ITGAV: variants seen among roughly 807,000 people sequenced by gnomAD.
ITGAV encodes the protein integrin alpha-V.
Under a neutral mutation model 143.8 loss-of-function variants are expected in ITGAV, and 76 were observed. The ratio of observed to expected loss-of-function variants is 0.53; its 90% CI spans 0.44 to 0.64. The LOEUF (loss-of-function observed/expected upper bound fraction) is 0.64, where lower values mean the gene tolerates loss of function less well. Ranked by LOEUF, ITGAV falls within the 30% of genes least tolerant of loss-of-function variation. The pLI is 0.00. For synonymous variants in ITGAV, 453 were observed against 446.7 expected, an observed-to-expected ratio of 1.01 and a Z score of -0.18; for missense variants, 1,193 against 1,274.7, an observed-to-expected ratio of 0.94 and a Z score of 0.98.
chr2:186,663,530 T>C (rs1391395761), intron 18 of ITGAV, among the ~76,000 whole-genome samples: 1 of 152,218 alleles, frequency 6.6e-6, no homozygotes. Context: ...TCCAAGGAAC[T>C]GTATCATATC....
At chr2:186,647,025 C>A in intron 13 of ITGAV, 148 bp downstream of exon 13, 1 of 590,340 alleles carries the variant, frequency 1.7e-6, no homozygotes. Flanking sequence ...AGGCATCATT[C>A]CCGTCACCTA....
intron 2 of ITGAV, among the ~76,000 whole-genome samples, chr2:186,619,111 TTA>T (rs35908821): frequency 0.28 from 41,078 of 147,112 alleles, 6,330 homozygotes; most frequent in East Asian, 0.72. Context: ...ATAGTATATT[TTA>T]TATATATATA....
chr2:186,596,805 C>CT (rs1365889870), intron 1 of ITGAV, among the ~76,000 whole-genome samples: 1 of 152,136 alleles, frequency 6.6e-6, no homozygotes, highest in Non-Finnish European at 1.5e-5. Flanking sequence ...CCTCGTAAGA[C>CT]TTTAACATAT....
intron 1 of ITGAV, among the ~76,000 whole-genome samples, chr2:186,594,828 T>A (rs1686702838): frequency 6.6e-6 from 1 of 152,206 alleles, no homozygotes; most frequent in Admixed American, 6.5e-5. Context: ...TCAGAGTAGC[T>A]CTGATTATAT....
chr2:186,600,099 A>C (rs1686857129), intron 1 of ITGAV: 1 of 464,172 alleles, frequency 2.2e-6, no homozygotes, highest in South Asian at 5.3e-5. Flanking sequence ...GATAAAATAC[A>C]AAGTTTAACC....
intron 4 of ITGAV, among the ~76,000 whole-genome samples, chr2:186,629,069 G>T (rs1687751188): frequency 6.6e-6 from 1 of 152,038 alleles, no homozygotes; most frequent in Admixed American, 6.6e-5. Flanking sequence ...ACCTGACTCA[G>T]AGTAAAGGCT....
At position 186,653,856 on chromosome 2, in the gene ITGAV, G is replaced by A. The variant is rs537381307; in HGVS notation, c.1506-794G>A. ...ATTAAATCAAGCATTTCAGAAAATC[G>A]TACTTACCTTTGATACCTAAATCAG... is the stretch of plus-strand genomic sequence containing the variant. On this transcript the variant is annotated intron_variant, in intron 15 of 29. Coordinates refer to ENST00000261023, the MANE Select transcript of ITGAV (RefSeq NM_002210.5). 1.2e-4 allele frequency among the ~76,000 whole-genome samples: 18 copies of A among 152,206 alleles called. No homozygotes were observed. The South Asian group carries it at 3.1e-3, about 26-fold the overall frequency.
At chr2:186,659,409 A>G (rs1688680556) in intron 18 of ITGAV, among the ~76,000 whole-genome samples, 1 of 152,100 alleles carries the variant, frequency 6.6e-6, no homozygotes, top group Non-Finnish European at 1.5e-5. Context: ...ATACAGAGAA[A>G]GACATTTCAT....
chr2:186,617,915 G>GT (rs1687412348), intron 2 of ITGAV, among the ~76,000 whole-genome samples: 1 of 152,138 alleles, frequency 6.6e-6, no homozygotes, highest in Non-Finnish European at 1.5e-5. Context: ...TCTGTGTCCT[G>GT]TTTCCTTTTC....
At chr2:186,601,625 TCTCACACACGCACATGCA>T (rs1686908756) in intron 1 of ITGAV, among the ~76,000 whole-genome samples, 1 of 151,952 alleles carries the variant, frequency 6.6e-6, no homozygotes, top group African/African-American at 2.4e-5. Context: ...ATAGTAATTC[TCTCACACACGCACATGCA>T]CACACACACA....
chr2:186,592,137 T>C lies in ITGAV; in HGVS notation c.185+1614T>C, dbSNP rs536200317. 1.3e-5 allele frequency among the ~76,000 whole-genome samples: 2 copies of C among 152,276 alleles called. 1 individual carries two copies. The highest frequency in any genetic ancestry group is 4.2e-4 in the South Asian group (2 of 4,808). On this transcript the variant is annotated intron_variant, in intron 1 of 29. Transcript: ENST00000261023. ...GAAAATATATGTCTTCAGTCAAAAA[T>C]TAGCATTTAAATACTTCAGGCCAGG...
intron 26 of ITGAV, among the ~76,000 whole-genome samples, chr2:186,670,923 T>C (rs1157929695): frequency 6.6e-6 from 1 of 152,350 alleles, no homozygotes; most frequent in East Asian, 1.9e-4. Context: ...TCTTAGTTGA[T>C]TTTAGTAAAT....
intron 15 of ITGAV, among the ~76,000 whole-genome samples, chr2:186,653,989 G>A (rs1237357511): frequency 6.6e-6 from 1 of 152,126 alleles, no homozygotes; most frequent in Non-Finnish European, 1.5e-5. Flanking sequence ...AAAGGAGGTT[G>A]CTAATTAAAG....
At chr2:186,604,539 A>G (rs1687003509) in intron 2 of ITGAV, among the ~76,000 whole-genome samples, 1 of 152,214 alleles carries the variant, frequency 6.6e-6, no homozygotes, top group Non-Finnish European at 1.5e-5. Flanking sequence ...ATCAAAATGT[A>G]TGTATATTTA....
Position 186,665,116 on chromosome 2 carries a change from T to G in ITGAV, c.2074-10T>G. On this transcript the variant is annotated splice_polypyrimidine_tract_variant and intron_variant, in intron 20 of 29. Coordinates refer to ENST00000261023, the MANE Select transcript of ITGAV (RefSeq NM_002210.5). ...TATCCATTTTTTTTTTTTTTTTTGG[T>G]CTATCAAAGGCCTTAGCAAGACTTT... 6.9e-7 allele frequency: 1 copy of G among 1,451,078 alleles called. No individual in the cohort carries two copies. The highest frequency in any genetic ancestry group is 9.4e-7 in the Non-Finnish European group (1 of 1,061,520). 89.9% of individuals were successfully genotyped at this position (1,451,078 alleles called of 1,614,324 possible). A position where few individuals can be genotyped will look rare whatever the true frequency, so the allele number is the denominator to read the frequency against.
At chr2:186,654,901 A>G (rs1019705575) in intron 16 of ITGAV, among the ~76,000 whole-genome samples, 193 bp downstream of exon 16, 3 of 152,240 alleles carry the variant, frequency 2.0e-5, no homozygotes, top group Non-Finnish European at 4.4e-5. Flanking sequence ...CAAAAATAAT[A>G]CACTTATTTA....
chr2:186,627,986 A>G (rs1379431489), intron 4 of ITGAV, among the ~76,000 whole-genome samples: 1 of 152,166 alleles, frequency 6.6e-6, no homozygotes, highest in Non-Finnish European at 1.5e-5. Flanking sequence ...TGTGAGGGGC[A>G]TCTTGTTCAG....
At chr2:186,659,801 T>G (rs2105736367) in intron 18 of ITGAV, among the ~76,000 whole-genome samples, 1 of 151,730 alleles carries the variant, frequency 6.6e-6, no homozygotes, top group African/African-American at 2.4e-5. Flanking sequence ...TTGGTTTGTT[T>G]TCTGTATATG....
At chr2:186,607,695 T>C (rs1687107315) in intron 2 of ITGAV, among the ~76,000 whole-genome samples, 1 of 152,176 alleles carries the variant, frequency 6.6e-6, no homozygotes, top group Non-Finnish European at 1.5e-5. Context: ...AAATGGAATA[T>C]TATCAATAAT....
Sources: gnomAD v4.1 joint callset for allele counts (sites outside exome capture counted in the v4.1 genomes callset) on GRCh38, gnomAD v4.1.1 for gene constraint, MANE v1.5 for transcripts, NCBI Gene and HGNC (gene_info 2026-07-23, HGNC 2026-07-21) for gene names.